ROBO2: variants seen among roughly 807,000 people sequenced by gnomAD.
ROBO2 encodes roundabout guidance receptor 2, also known as roundabout homolog 2.
In ROBO2, 53 loss-of-function variants were observed where a neutral mutation model predicts 160.8. The observed-to-expected ratio is 0.33, with a 90% CI of 0.26 to 0.41. ROBO2 has a LOEUF of 0.41. Ranked by LOEUF, ROBO2 falls within the 10% of genes least tolerant of loss-of-function variation. The probability of loss-of-function intolerance (pLI) is 1.00; values close to 1 mark genes in which losing one functional copy is unlikely to be tolerated. For missense variants in ROBO2, 1,577 were observed against 1,722.4 expected (o/e 0.92, Z 1.49); for synonymous variants, 664 against 611.7 (o/e 1.09, Z -1.26).
At chr3:76,076,361 CCT>C (rs2068646089) in intron 2 of ROBO2, among the ~76,000 whole-genome samples, 2 of 152,136 alleles carry the variant, frequency 1.3e-5, no homozygotes, top group East Asian at 1.9e-4. Context: ...GCAAATATAT[CCT>C]CTGTTTCAGT....
At chr3:76,648,689 A>C (rs2091103560) in intron 2 of ROBO2, among the ~76,000 whole-genome samples, 1 of 152,126 alleles carries the variant, frequency 6.6e-6, no homozygotes, top group Admixed American at 6.6e-5. Flanking sequence ...GTCAGGTATC[A>C]ATGATTGACG....
chr3:76,478,534 A>T (rs1162211916), intron 2 of ROBO2, among the ~76,000 whole-genome samples: 1 of 151,984 alleles, frequency 6.6e-6, no homozygotes, highest in Non-Finnish European at 1.5e-5. Flanking sequence ...AAATTAATTC[A>T]AGCAGCTGCT....
chr3:77,113,719 C>T (rs956548065), intron 2 of ROBO2, among the ~76,000 whole-genome samples: 1 of 152,160 alleles, frequency 6.6e-6, no homozygotes, highest in African/African-American at 2.4e-5. Context: ...ATGATTCATT[C>T]TTATTTAAGG....
At chr3:76,102,732 T>C (rs765624818) in intron 2 of ROBO2, among the ~76,000 whole-genome samples, 22 of 152,158 alleles carry the variant, frequency 1.4e-4, no homozygotes, top group Non-Finnish European at 2.9e-4. Context: ...GAACTGAGCG[T>C]CAATATTTGG....
At chr3:77,608,308 C>G (rs1489000299) in intron 21 of ROBO2, among the ~76,000 whole-genome samples, 1 of 152,152 alleles carries the variant, frequency 6.6e-6, no homozygotes, top group Non-Finnish European at 1.5e-5. Flanking sequence ...TTAAAATAAC[C>G]TTCTTCATCA....
At chr3:77,565,080 C>T (rs753669180) in exon 12 of ROBO2, 2 of 1,613,720 alleles carry the variant, frequency 1.2e-6, no homozygotes, top group South Asian at 1.1e-5. Context: ...CCCAAGGTCT[C>T]AGTGACCCAA....
At chr3:76,051,169 C>T (rs1336695779) in intron 2 of ROBO2, among the ~76,000 whole-genome samples, 2 of 151,806 alleles carry the variant, frequency 1.3e-5, no homozygotes, top group African/African-American at 4.8e-5. Context: ...TATTTAGTGC[C>T]TTATTTGAAA....
intron 2 of ROBO2, among the ~76,000 whole-genome samples, chr3:76,958,645 C>T (rs1193372690): frequency 6.6e-6 from 1 of 152,224 alleles, no homozygotes; most frequent in Admixed American, 6.5e-5. Flanking sequence ...AATTGCCACT[C>T]TCTGGCTTAT....
At chr3:76,754,491 AGT>A (rs1431040801) in intron 2 of ROBO2, among the ~76,000 whole-genome samples, 5 of 151,954 alleles carry the variant, frequency 3.3e-5, no homozygotes, top group Non-Finnish European at 7.4e-5. Flanking sequence ...TTTATGTTCT[AGT>A]GTGCCTGGAG....
chr3:76,834,126 C>CT (rs2067423334), intron 2 of ROBO2, among the ~76,000 whole-genome samples: 1 of 132,698 alleles, frequency 7.5e-6, no homozygotes, highest in East Asian at 2.3e-4. Flanking sequence ...CTCTGTCTCT[C>CT]CTTCCTTCTT....
intron 2 of ROBO2, among the ~76,000 whole-genome samples, chr3:76,849,430 A>C (rs1273499808): frequency 6.6e-6 from 1 of 152,218 alleles, no homozygotes; most frequent in African/African-American, 2.4e-5. Context: ...GCTTCAGAAC[A>C]CTATTAATTT....
chr3:77,619,364 T>C (rs2094851279), intron 22 of ROBO2, among the ~76,000 whole-genome samples: 2 of 152,136 alleles, frequency 1.3e-5, no homozygotes, highest in African/African-American at 2.4e-5. Context: ...TAGTAAGTCA[T>C]AGAACTCACC....
At chr3:76,494,444 T>C (rs959683320) in intron 2 of ROBO2, among the ~76,000 whole-genome samples, 1 of 152,144 alleles carries the variant, frequency 6.6e-6, no homozygotes, top group Non-Finnish European at 1.5e-5. Context: ...GACATGCAAT[T>C]GTAGGCAAGT....
At position 77,554,367 on chromosome 3, in the gene ROBO2, C is replaced by CA. The variant is rs540905243; in HGVS notation, c.1231+3380dup. ...ATTAATGTTTTTATACCTGTTAACA[C>CA]AACATCTGTTCAGCAGCCCATGGAT... On this transcript the variant is annotated intron_variant, in intron 8 of 25. Transcript: ENST00000461745. Among the ~76,000 whole-genome samples, 16 of 152,076 alleles carry CA rather than the reference C, an allele frequency of 1.1e-4. 1 individual carries two copies. The South Asian group carries it at 3.3e-3, about 31-fold the overall frequency.
At chr3:77,492,826 A>G (rs1369890374) in intron 4 of ROBO2, among the ~76,000 whole-genome samples, 1 of 152,092 alleles carries the variant, frequency 6.6e-6, no homozygotes, top group African/African-American at 2.4e-5. Flanking sequence ...GAATATTAAT[A>G]TTTGTTTTTT....
At chr3:77,374,962 G>A (rs1464469634) in intron 2 of ROBO2, among the ~76,000 whole-genome samples, 10 of 152,302 alleles carry the variant, frequency 6.6e-5, no homozygotes, top group South Asian at 6.2e-4. Context: ...TAATCCCGGC[G>A]CTTTGGAAGG....
At chr3:76,281,147 T>A (rs146919782) in intron 2 of ROBO2, among the ~76,000 whole-genome samples, 12,100 of 151,728 alleles carry the variant, frequency 0.08, 837 homozygotes, top group African/African-American at 0.18. Flanking sequence ...TGTAGAGAAA[T>A]GCCAACAGAG....
chr3:75,912,657 T>G (rs1946648396), intron 1 of ROBO2, among the ~76,000 whole-genome samples: 1 of 152,188 alleles, frequency 6.6e-6, no homozygotes, highest in Admixed American at 6.5e-5. Flanking sequence ...ACACGGTTGC[T>G]TACGTGTAGC....
intron 2 of ROBO2, 72 bp from the exon 3 acceptor site, chr3:77,477,342 A>G: frequency 6.8e-7 from 1 of 1,472,230 alleles, no homozygotes; most frequent in East Asian, 2.3e-5. Flanking sequence ...CAAGACTTGA[A>G]GTTACCTTGT....
Sources: gnomAD v4.1 joint callset for allele counts (sites outside exome capture counted in the v4.1 genomes callset) on GRCh38, gnomAD v4.1.1 for gene constraint, MANE v1.5 for transcripts, NCBI Gene and HGNC (gene_info 2026-07-23, HGNC 2026-07-21) for gene names.